CTPS1: variants seen among roughly 807,000 people sequenced by gnomAD.
CTPS1 encodes the protein CTP synthetase 1.
Under a neutral mutation model 80.5 loss-of-function variants are expected in CTPS1, and 25 were observed. The ratio of observed to expected loss-of-function variants is 0.31; its 90% CI spans 0.23 to 0.43. CTPS1 has a LOEUF of 0.43. CTPS1 is among the 20% of genes least tolerant of loss of function. CTPS1 has a pLI of 1.00. For missense variants in CTPS1, 442 were observed against 725.7 expected (o/e 0.61, Z 4.49); for synonymous variants, 267 against 252.5 (o/e 1.06, Z -0.54).
At chr1:41,011,382 C>T (rs529701527) in intron 18 of CTPS1, among the ~76,000 whole-genome samples, 13 of 152,168 alleles carry the variant, frequency 8.5e-5, no homozygotes, top group Non-Finnish European at 1.3e-4. Context: ...CTGACTGCCT[C>T]GCAAGTGGAG....
intron 3 of CTPS1, among the ~76,000 whole-genome samples, chr1:40,986,896 G>A (rs1409143136): frequency 2.6e-5 from 4 of 152,258 alleles, no homozygotes; most frequent in South Asian, 2.1e-4. Context: ...TTCTGACCCC[G>A]GGTGCTGTGC....
chr1:41,007,780 C>T lies in CTPS1; in HGVS notation c.1393+235C>T, dbSNP rs776425369. Among the ~76,000 whole-genome samples, 6 of 152,170 alleles carry T rather than the reference C, an allele frequency of 3.9e-5. No homozygotes were observed. The South Asian group carries it at 6.2e-4, about 16-fold the overall frequency. On this transcript the variant is annotated intron_variant, in intron 14 of 18. Coordinates refer to ENST00000650070, the MANE Select transcript of CTPS1 (RefSeq NM_001905.4). This position sits in a 1 kb window ranked among gnomAD's most constrained non-coding sequence, Gnocchi z 4.4. ...GTGCAGTCAGACTCCTAGGCATGGG[C>T]GCCTCAACAGAATGAGGCAGTGAGG...
chr1:40,981,903 T>C, intron 1 of CTPS1: 2 of 1,052,352 alleles, frequency 1.9e-6, no homozygotes, highest in Admixed American at 2.5e-5. Context: ...CGAGCACAAC[T>C]CCTTAGTTTT....
Position 41,002,085 on chromosome 1 carries a change from G to C in CTPS1, c.1095-75G>C, listed in dbSNP as rs76105228. On this transcript the variant is annotated intron_variant, in intron 10 of 18. Transcript: ENST00000650070. ...TTCATGGCTTCAGTGTCTTGGTAAT[G>C]GCCCGTTAGGCGATTATTGCAAGTT... 5,882 of 1,284,048 alleles carry C rather than the reference G, an allele frequency of 4.6e-3. 205 individuals are homozygous for C. In the African/African-American group the frequency reaches 0.075, roughly 16 times the overall value. The allele number at this position is 1,284,048 out of a possible 1,614,324, so 79.5% of individuals were successfully genotyped here.
chr1:40,997,499 G>A lies in CTPS1; in HGVS notation c.978G>A (p.Leu326=). 6 of 1,613,966 alleles carry A rather than the reference G, an allele frequency of 3.7e-6. No homozygotes were observed. The highest frequency in any genetic ancestry group is 1.3e-5 in the African/African-American group (1 of 75,028). The change falls in exon 9 of 19, where the codon CTG becomes CTA. Residue 326 remains leucine (L), a synonymous_variant. Coordinates refer to ENST00000650070, the MANE Select transcript of CTPS1 (RefSeq NM_001905.4). ...TTAAGGCTCTGGAGCATTCTGCACTGGCCATCAACCACAAATTGGAAATCA... is the reference window on the plus strand; with the variant it reads ...TTAAGGCTCTGGAGCATTCTGCACTAGCCATCAACCACAAATTGGAAATCA... ...SVIKALEHSA[L]AINHKLEIKY... is the part of the protein sequence containing the mutation.
rs1367021674 is a variant in CTPS1 at position 40,991,358 on chromosome 1, G to A, written c.639+110G>A. On this transcript the variant is annotated intron_variant, in intron 6 of 18. Coordinates refer to ENST00000650070, the MANE Select transcript of CTPS1 (RefSeq NM_001905.4). ...TGTTGGGTTGCTTTTGATAATTGATGATGGAGAAAATAGGATTAGTTCTTT... is the reference window on the plus strand; with the variant it reads ...TGTTGGGTTGCTTTTGATAATTGATAATGGAGAAAATAGGATTAGTTCTTT... 1.5e-5 allele frequency: 12 copies of A among 803,996 alleles called. No individual in the cohort carries two copies. The Admixed American group carries it at 1.5e-4, about 10-fold the overall frequency. The allele number at this position is 803,996 out of a possible 1,614,324, so 49.8% of individuals were successfully genotyped here.
chr1:41,006,320 A>T (rs1643034134), intron 13 of CTPS1, among the ~76,000 whole-genome samples: 1 of 152,226 alleles, frequency 6.6e-6, no homozygotes, highest in Non-Finnish European at 1.5e-5. Context: ...GACAGGTACC[A>T]GCCCAGGAAA....
Position 41,009,458 on chromosome 1 carries a change from T to A in CTPS1, c.1560T>A (p.Phe520Leu). 1 of 1,572,092 alleles carries A rather than the reference T, an allele frequency of 6.4e-7. No homozygotes were observed. Among genetic ancestry groups the A allele is most frequent in the Non-Finnish European group, 8.6e-7 (1 of 1,162,800 alleles). Residue 520 changes from phenylalanine (F) to leucine (L), a missense_variant, in exon 17 of 19, where the codon TTT becomes TTA. Coordinates refer to ENST00000650070, the MANE Select transcript of CTPS1 (RefSeq NM_001905.4). ...TCTCTATTTCAGATCATCCCTTTTT[T>A]GTTGGGGTTCAGTACCACCCTGAGT... ...EIVELEDHPF[F>L]VGVQYHPEFL... is the part of the protein sequence containing the mutation.
intron 12 of CTPS1, 29 bp downstream of exon 12, chr1:41,003,205 T>G (rs2148413915): frequency 6.2e-7 from 1 of 1,612,782 alleles, no homozygotes; most frequent in Non-Finnish European, 8.5e-7. Context: ...ACTCATTCAA[T>G]TCCCGCTTGT....
intron 11 of CTPS1, 49 bp from the exon 12 acceptor site, chr1:41,003,065 A>G: frequency 6.3e-7 from 1 of 1,592,814 alleles, no homozygotes; most frequent in Non-Finnish European, 8.6e-7. Flanking sequence ...GAAAAGTAGG[A>G]GCTGCCTTTT....
At chr1:40,980,985 A>C (rs1459623934) in intron 1 of CTPS1, 1 of 152,470 alleles carries the variant, frequency 6.6e-6, no homozygotes, top group Non-Finnish European at 1.5e-5. Flanking sequence ...ACAAAACAGG[A>C]GCCGCCTGGA....
At chr1:40,996,305 G>T (rs1433332919) in intron 8 of CTPS1, among the ~76,000 whole-genome samples, 1 of 152,138 alleles carries the variant, frequency 6.6e-6, no homozygotes, top group Admixed American at 6.5e-5. Context: ...AATGAGTTCG[G>T]GTTATGTCTT....
intron 9 of CTPS1, among the ~76,000 whole-genome samples, chr1:40,998,864 C>T (rs1219292569): frequency 6.6e-6 from 1 of 152,214 alleles, no homozygotes; most frequent in Non-Finnish European, 1.5e-5. Flanking sequence ...GGACAGGTTC[C>T]TGCAGAATGG....
At chr1:41,002,067 C>G (rs996270164) in intron 10 of CTPS1, 93 bp from the exon 11 acceptor site, 76 of 1,074,224 alleles carry the variant, frequency 7.1e-5, no homozygotes, top group Non-Finnish European at 1.6e-5. Context: ...TAATTCATGG[C>G]TTCAGTGTCT....
intron 11 of CTPS1, among the ~76,000 whole-genome samples, chr1:41,002,895 T>A (rs1183488142): frequency 1.3e-5 from 2 of 152,180 alleles, no homozygotes; most frequent in East Asian, 3.8e-4. Context: ...ATCGGATAAC[T>A]TTGCAAATCT....
intron 1 of CTPS1, among the ~76,000 whole-genome samples, chr1:40,983,006 G>A (rs549790276): frequency 2.8e-4 from 42 of 152,318 alleles, no homozygotes; most frequent in African/African-American, 9.6e-4. Context: ...TGACTCTGAA[G>A]GTTATTAGTT....
At chr1:40,982,952 G>A (rs954223002) in intron 1 of CTPS1, among the ~76,000 whole-genome samples, 1 of 152,152 alleles carries the variant, frequency 6.6e-6, no homozygotes, top group African/African-American at 2.4e-5. Flanking sequence ...AAACATTTGG[G>A]GTGTAGTGTT....
chr1:40,996,441 A>G (rs538134346), intron 8 of CTPS1, among the ~76,000 whole-genome samples: 1 of 152,314 alleles, frequency 6.6e-6, no homozygotes, highest in South Asian at 2.1e-4. Flanking sequence ...GTACCACTCC[A>G]GAGTTCTGAG....
At chr1:41,009,666 A>C in intron 17 of CTPS1, 77 bp downstream of exon 17, 2 of 1,537,674 alleles carry the variant, frequency 1.3e-6, no homozygotes, top group Non-Finnish European at 8.9e-7. Flanking sequence ...TTACAGCAAC[A>C]CGTCACAGTC....
Sources: gnomAD v4.1 joint callset for allele counts (sites outside exome capture counted in the v4.1 genomes callset) on GRCh38, gnomAD v4.1.1 for gene constraint, Gnocchi (gnomAD v3.1) non-coding constraint, MANE v1.5 for transcripts, NCBI Gene and HGNC (gene_info 2026-07-23, HGNC 2026-07-21) for gene names.